Variants in ME1 observed in about 807,000 individuals in gnomAD.
ME1 encodes the protein malic enzyme 1.
Under a neutral mutation model 66.4 loss-of-function variants are expected in ME1, and 74 were observed. That is an observed-to-expected ratio of 1.11 (90% CI 0.92 to 1.35). The LOEUF (loss-of-function observed/expected upper bound fraction) is 1.35. ME1 is among the 40% of genes most tolerant of loss of function. The probability of loss-of-function intolerance (pLI) is 0.00; values close to 1 mark genes in which losing one functional copy is unlikely to be tolerated. For synonymous variants in ME1, 251 were observed against 235.6 expected, an observed-to-expected ratio of 1.07 and a Z score of -0.60; for missense variants, 750 against 694.1, an observed-to-expected ratio of 1.08 and a Z score of -0.90.
intron 4 of ME1, among the ~76,000 whole-genome samples, chr6:83,350,502 G>A (rs1562487535): frequency 6.6e-6 from 1 of 152,054 alleles, no homozygotes; most frequent in East Asian, 1.9e-4. Context: ...GTCTCACTCT[G>A]TTGCCCAGGC....
At chr6:83,323,942 A>T (rs966674822) in intron 5 of ME1, among the ~76,000 whole-genome samples, 1 of 152,066 alleles carries the variant, frequency 6.6e-6, no homozygotes, top group Non-Finnish European at 1.5e-5. Context: ...TAGAGGGAAA[A>T]CACTCTTCAG....
At chr6:83,282,206 A>C (rs1228877044) in intron 6 of ME1, among the ~76,000 whole-genome samples, 1 of 152,242 alleles carries the variant, frequency 6.6e-6, no homozygotes, top group Non-Finnish European at 1.5e-5. Context: ...AGGCATAGGC[A>C]AAGAATTCAC....
chr6:83,370,055 G>GAATC (rs1769168111), intron 3 of ME1, among the ~76,000 whole-genome samples: 1 of 152,054 alleles, frequency 6.6e-6, no homozygotes, highest in African/African-American at 2.4e-5. Flanking sequence ...AAGAGTTTAA[G>GAATC]AATCTACATC....
intron 6 of ME1, among the ~76,000 whole-genome samples, chr6:83,282,520 C>T (rs1037979118): frequency 6.6e-6 from 1 of 152,156 alleles, no homozygotes; most frequent in African/African-American, 2.4e-5. Context: ...AGCTCATCAT[C>T]ACTGGTCATT....
At chr6:83,281,724 T>G (rs1042139741) in intron 6 of ME1, among the ~76,000 whole-genome samples, 1 of 133,292 alleles carries the variant, frequency 7.5e-6, no homozygotes, top group Non-Finnish European at 1.5e-5. Flanking sequence ...GAGAATCACC[T>G]GAACCTGGGA....
At position 83,274,484 on chromosome 6, in the gene ME1, T is replaced by A. The variant is rs6926726; in HGVS notation, c.705-20746A>T. ...ATCTAATAGTTAATTTAGCAGAAAT[T>A]TACTAAAAAACTTTTTTTCAAAGGA... On this transcript the variant is annotated intron_variant, in intron 6 of 13. Transcript: ENST00000369705. Among the ~76,000 whole-genome samples the A allele has an allele frequency of 9.1e-3, 1,385 of 152,334 alleles. 19 individuals carry two copies. The highest frequency in any genetic ancestry group is 0.031 in the African/African-American group (1,294 of 41,584).
intron 3 of ME1, among the ~76,000 whole-genome samples, chr6:83,374,506 C>G (rs1445134844): frequency 6.6e-6 from 1 of 152,098 alleles, no homozygotes; most frequent in Non-Finnish European, 1.5e-5. Context: ...AGACCTTTGT[C>G]AGATGGTAGA....
intron 11 of ME1, among the ~76,000 whole-genome samples, chr6:83,225,921 T>A (rs1364242713): frequency 6.6e-6 from 1 of 151,458 alleles, no homozygotes; most frequent in African/African-American, 2.4e-5. Context: ...TAAATGACAG[T>A]ACTGTAGCTA....
chr6:83,328,803 A>G (rs1170484), intron 5 of ME1, among the ~76,000 whole-genome samples: 48,628 of 151,824 alleles, frequency 0.32, 8,134 homozygotes, highest in Middle Eastern at 0.49. Flanking sequence ...TAGGTGTTAC[A>G]CTAAATGCAT....
intron 3 of ME1, among the ~76,000 whole-genome samples, chr6:83,390,080 C>T (rs552361383): frequency 8.6e-5 from 13 of 151,960 alleles, no homozygotes; most frequent in East Asian, 5.8e-4. Context: ...ATTAGAAATA[C>T]GGTTATTCAT....
intron 6 of ME1, among the ~76,000 whole-genome samples, chr6:83,301,057 G>A (rs919632967): frequency 1.3e-5 from 2 of 152,118 alleles, no homozygotes; most frequent in African/African-American, 4.8e-5. Context: ...GGGATGGGGG[G>A]AGTGGGGAGG....
At chr6:83,351,395 G>A (rs1158541718) in intron 4 of ME1, among the ~76,000 whole-genome samples, 1 of 152,036 alleles carries the variant, frequency 6.6e-6, no homozygotes, top group Non-Finnish European at 1.5e-5. Context: ...GGAACCAAAG[G>A]GAGAACAAAC....
At chr6:83,377,684 A>G (rs1233671062) in intron 3 of ME1, among the ~76,000 whole-genome samples, 1 of 152,110 alleles carries the variant, frequency 6.6e-6, no homozygotes, top group Non-Finnish European at 1.5e-5. Flanking sequence ...TATTTGAAAA[A>G]AAATGTATAT....
chr6:83,421,333 G>T (rs908121443), intron 1 of ME1, among the ~76,000 whole-genome samples: 1 of 152,050 alleles, frequency 6.6e-6, no homozygotes, highest in Non-Finnish European at 1.5e-5. Context: ...TTTCTTCTCC[G>T]AACTTAAAAT....
chr6:83,333,670 C>G (rs1294902814), intron 5 of ME1, among the ~76,000 whole-genome samples: 1 of 152,110 alleles, frequency 6.6e-6, no homozygotes, highest in South Asian at 2.1e-4. Flanking sequence ...TTTTAAGCAA[C>G]AGAAAAGTTA....
At chr6:83,286,979 T>C (rs537075638) in intron 6 of ME1, among the ~76,000 whole-genome samples, 1 of 152,312 alleles carries the variant, frequency 6.6e-6, no homozygotes, top group South Asian at 2.1e-4. Context: ...AAGCACTTAC[T>C]ATAGGTATTA....
intron 6 of ME1, among the ~76,000 whole-genome samples, chr6:83,271,418 T>C (rs926052965): frequency 6.6e-6 from 1 of 152,148 alleles, no homozygotes; most frequent in African/African-American, 2.4e-5. Flanking sequence ...GAGGCTGCAA[T>C]TGGTTTTTTG....
intron 7 of ME1, among the ~76,000 whole-genome samples, chr6:83,242,470 T>C (rs1738632): frequency 6.6e-6 from 1 of 151,728 alleles, no homozygotes; most frequent in Non-Finnish European, 1.5e-5. Context: ...AGCAGGGGGA[T>C]GGGTGAATTT....
At chr6:83,373,341 T>G (rs891213475) in intron 3 of ME1, among the ~76,000 whole-genome samples, 4 of 152,096 alleles carry the variant, frequency 2.6e-5, no homozygotes, top group Non-Finnish European at 5.9e-5. Context: ...GTTTAAGCGA[T>G]GCTCCTGCCT....
Sources: allele counts gnomAD v4.1 joint callset (sites outside exome capture counted in the v4.1 genomes callset), GRCh38; gene constraint gnomAD v4.1.1; transcripts MANE v1.5; gene names NCBI Gene and HGNC (gene_info 2026-07-23, HGNC 2026-07-21).